CNGB3: variants seen among roughly 807,000 people sequenced by gnomAD.
The protein encoded by CNGB3 is cyclic nucleotide gated channel subunit beta 3, also known as cyclic nucleotide-gated channel beta-3.
CNGB3 carries 86 observed loss-of-function variants against 92.8 expected under a neutral mutation model. The observed-to-expected ratio is 0.93, with a 90% CI of 0.78 to 1.11. The LOEUF (loss-of-function observed/expected upper bound fraction) is 1.11. CNGB3 is among the 50% of genes least tolerant of loss of function. CNGB3 has a pLI of 0.00. For synonymous variants in CNGB3, 333 were observed against 332.7 expected (o/e 1.00, Z -0.01); for missense variants, 1,026 against 956.8 (o/e 1.07, Z -0.95).
chr8:86,669,929 C>T (rs915482635), intron 4 of CNGB3, among the ~76,000 whole-genome samples: 1 of 151,990 alleles, frequency 6.6e-6, no homozygotes, highest in Non-Finnish European at 1.5e-5. Flanking sequence ...TGGCTCACTG[C>T]AACCTCTGCC....
At chr8:86,712,497 T>A (rs1824767566) in intron 3 of CNGB3, among the ~76,000 whole-genome samples, 1 of 152,102 alleles carries the variant, frequency 6.6e-6, no homozygotes. Context: ...CAAATTTAGA[T>A]TTTTCCATAT....
At chr8:86,718,886 G>C (rs893501198) in intron 3 of CNGB3, among the ~76,000 whole-genome samples, 3 of 151,892 alleles carry the variant, frequency 2.0e-5, no homozygotes, top group Non-Finnish European at 4.4e-5. Flanking sequence ...CAATAAATGT[G>C]ATACATCACA....
At chr8:86,689,683 G>A (rs1017400531) in intron 3 of CNGB3, among the ~76,000 whole-genome samples, 3 of 151,826 alleles carry the variant, frequency 2.0e-5, no homozygotes, top group African/African-American at 7.3e-5. Context: ...CTTATATTAG[G>A]TATATCTCCT....
At chr8:86,698,976 G>A (rs1186079183) in intron 3 of CNGB3, among the ~76,000 whole-genome samples, 1 of 152,096 alleles carries the variant, frequency 6.6e-6, no homozygotes, top group African/African-American at 2.4e-5. Context: ...AAAACAAGTC[G>A]GAGACCCGTC....
chr8:86,579,101 T>C lies in CNGB3; in HGVS notation c.1928+5A>G, dbSNP rs200655186. The C allele has an allele frequency of 6.2e-7, 1 of 1,614,184 alleles. No individual in the cohort carries two copies. The highest frequency in any genetic ancestry group is 1.3e-5 in the African/African-American group (1 of 75,052). On this transcript the variant is annotated splice_donor_5th_base_variant and intron_variant, in intron 16 of 17. Coordinates refer to ENST00000320005, the MANE Select transcript of CNGB3 (RefSeq NM_019098.5). ...CCATCTCTAATGGTGTTTTAAAGGT[T>C]GTACCTGGCTTTCTTCATGAGGATC...
intron 13 of CNGB3, among the ~76,000 whole-genome samples, chr8:86,621,616 G>A (rs1285600777): frequency 6.6e-6 from 1 of 152,062 alleles, no homozygotes; most frequent in Admixed American, 6.5e-5. Context: ...CCATTGTGTA[G>A]GCTTTTATCC....
intron 6 of CNGB3, among the ~76,000 whole-genome samples, chr8:86,665,077 C>T (rs937509908): frequency 6.6e-6 from 1 of 152,084 alleles, no homozygotes; most frequent in Admixed American, 6.6e-5. Flanking sequence ...GACATATTTG[C>T]CTAGCGGTCA....
intron 6 of CNGB3, among the ~76,000 whole-genome samples, chr8:86,655,592 C>T (rs934672735): frequency 2.6e-5 from 4 of 152,122 alleles, no homozygotes; most frequent in Non-Finnish European, 5.9e-5. Flanking sequence ...TTTCTCTGAG[C>T]CTTATAGCAC....
intron 6 of CNGB3, among the ~76,000 whole-genome samples, chr8:86,663,319 C>T (rs1302779803): frequency 1.3e-5 from 2 of 152,200 alleles, no homozygotes; most frequent in Admixed American, 6.5e-5. Flanking sequence ...TCATTTCCAA[C>T]TCAATTTCTG....
chr8:86,712,032 T>C (rs1824760565), intron 3 of CNGB3, among the ~76,000 whole-genome samples: 1 of 152,042 alleles, frequency 6.6e-6, no homozygotes, highest in Admixed American at 6.6e-5. Context: ...TCAATTAAAG[T>C]ACACTGTGCT....
intron 3 of CNGB3, among the ~76,000 whole-genome samples, chr8:86,718,220 A>T (rs182792160): frequency 3.9e-5 from 6 of 152,232 alleles, no homozygotes; most frequent in Admixed American, 3.9e-4. Flanking sequence ...AAAAGAGATG[A>T]CACAAAAAAC....
chr8:86,653,743 C>A (rs1248016337), intron 7 of CNGB3, among the ~76,000 whole-genome samples: 1 of 152,036 alleles, frequency 6.6e-6, no homozygotes, highest in Non-Finnish European at 1.5e-5. Context: ...AGTATACAAC[C>A]CATATTCCTT....
chr8:86,668,268 T>A lies in CNGB3; in HGVS notation c.494-100A>T. Reference sequence around the variant, plus strand: ...ACCAAACACCGCATGTTCTCACTCATAAGTGGGAGTTGAACAATGAGAACA... The same window carrying A: ...ACCAAACACCGCATGTTCTCACTCAAAAGTGGGAGTTGAACAATGAGAACA... On this transcript the variant is annotated intron_variant, in intron 4 of 17. Coordinates refer to ENST00000320005, the MANE Select transcript of CNGB3 (RefSeq NM_019098.5). 3 of 1,184,614 alleles carry A rather than the reference T, an allele frequency of 2.5e-6. No individual in the cohort carries two copies. In the East Asian group the frequency reaches 8.2e-5, roughly 33 times the overall value. 73.4% of individuals were successfully genotyped at this position (1,184,614 alleles called of 1,614,324 possible).
At chr8:86,581,505 A>C (rs1047031074) in intron 15 of CNGB3, among the ~76,000 whole-genome samples, 9 of 152,164 alleles carry the variant, frequency 5.9e-5, no homozygotes, top group Admixed American at 5.2e-4. Flanking sequence ...TACCCAGAGC[A>C]TATTTGTTCT....
chr8:86,626,862 T>C (rs945914579), intron 12 of CNGB3, among the ~76,000 whole-genome samples: 3 of 152,082 alleles, frequency 2.0e-5, no homozygotes, highest in African/African-American at 4.8e-5. Flanking sequence ...TTTAAAACCT[T>C]GTATTTTAAG....
chr8:86,582,954 A>G (rs1320820643), intron 15 of CNGB3, among the ~76,000 whole-genome samples: 1 of 150,174 alleles, frequency 6.7e-6, no homozygotes, highest in African/African-American at 2.5e-5. Context: ...TTTTTTTTTG[A>G]GACAGAGTTT....
At position 86,604,079 on chromosome 8, in the gene CNGB3, T is replaced by C. The variant is rs760290163; in HGVS notation, c.1781+14A>G. On this transcript the variant is annotated intron_variant, in intron 15 of 17. Coordinates refer to ENST00000320005, the MANE Select transcript of CNGB3 (RefSeq NM_019098.5). ...ATGATGGACTTCAATATTTATGAAG[T>C]ATCTTTCAGATACCTGATTTCTCCA... 13 of 1,518,320 alleles carry C rather than the reference T, an allele frequency of 8.6e-6. No homozygotes were observed. The highest frequency in any genetic ancestry group is 1.4e-5 in the African/African-American group (1 of 72,910). 94.1% of individuals were successfully genotyped at this position (1,518,320 alleles called of 1,614,324 possible).
chr8:86,718,648 A>G (rs768291020), intron 3 of CNGB3, among the ~76,000 whole-genome samples: 5 of 152,166 alleles, frequency 3.3e-5, no homozygotes, highest in Non-Finnish European at 5.9e-5. Flanking sequence ...GATAAAGGGA[A>G]TTGTCCTTAA....
At position 86,743,546 on chromosome 8, in the gene CNGB3, C is replaced by T. The variant is rs752910520; in HGVS notation, c.82G>A (p.Glu28Lys). Residue 28 changes from glutamate to lysine, a missense_variant, in exon 1 of 18, where the codon GAA becomes AAA. Physicochemically the swap from Glu to Lys is moderately conservative, Grantham distance 56 (BLOSUM62 1). Coordinates refer to ENST00000320005, the MANE Select transcript of CNGB3 (RefSeq NM_019098.5). ...NENEQSSRRN[E>K]EGSHPSNQSQ... ...TGATTACTTGGGTGAGAGCCTTCTT[C>T]ATTCCGACGAGAACTTTGTTCATTC... The T allele has an allele frequency of 7.4e-6, 12 of 1,613,954 alleles. No homozygotes were observed. In the Admixed American group the frequency reaches 1.8e-4, roughly 25 times the overall value.
Sources: gnomAD v4.1 joint callset for allele counts (sites outside exome capture counted in the v4.1 genomes callset) on GRCh38, gnomAD v4.1.1 for gene constraint, MANE v1.5 for transcripts, NCBI Gene and HGNC (gene_info 2026-07-23, HGNC 2026-07-21) for gene names.